Variants in TLL2 observed in about 807,000 individuals in gnomAD.
The protein encoded by TLL2 is tolloid like 2.
A neutral mutation model predicts 123.0 loss-of-function variants in TLL2; 106 were observed. That is an observed-to-expected ratio of 0.86 (90% CI 0.74 to 1.01). TLL2 has a LOEUF of 1.01. Ranked by LOEUF, TLL2 falls within the 50% of genes least tolerant of loss-of-function variation. The pLI is 0.00. For synonymous variants in TLL2, 494 were observed against 516.8 expected (o/e 0.96, Z 0.60); for missense variants, 1,332 against 1,336.7 (o/e 1.00, Z 0.06).
chr10:96,482,821 A>G (rs1442336199), intron 1 of TLL2, among the ~76,000 whole-genome samples: 1 of 152,238 alleles, frequency 6.6e-6, no homozygotes, highest in Non-Finnish European at 1.5e-5. Context: ...TGTAAATTAT[A>G]CTCAAGATGT....
chr10:96,385,607 C>T (rs183630108), intron 15 of TLL2, among the ~76,000 whole-genome samples: 15 of 152,326 alleles, frequency 9.8e-5, no homozygotes, highest in Admixed American at 8.5e-4. Context: ...GCATGCCTGA[C>T]TAGCACTCCA....
At chr10:96,481,829 A>G (rs1199809839) in intron 1 of TLL2, among the ~76,000 whole-genome samples, 15 of 152,250 alleles carry the variant, frequency 9.9e-5, no homozygotes, top group Non-Finnish European at 2.1e-4. Context: ...TCAGGGTCTT[A>G]GAAAGTTGGA....
rs774633643 is a variant in TLL2, at chr10:96,513,612, C to G, written c.74G>C (p.Gly25Ala). Residue 25 changes from glycine (G) to alanine (A), a missense_variant, in exon 1 of 21, where the codon GGA becomes GCA. Gly to Ala is a moderately conservative substitution (Grantham distance 60). Coordinates refer to ENST00000357947, the MANE Select transcript of TLL2 (RefSeq NM_012465.4). ...LLLPLPRGAG[G>A]LGERPDATAD... ...GGTGGCGTCCGGGCGCTCCCCGAGT[C>G]CCCCGGCGCCGCGAGGCAGCGGCAG... 6.2e-7 allele frequency: 1 copy of G among 1,602,230 alleles called. No individual in the cohort carries two copies. The highest frequency in any genetic ancestry group is 1.7e-5 in the Admixed American group (1 of 59,854).
intron 1 of TLL2, among the ~76,000 whole-genome samples, chr10:96,481,227 A>G (rs1489319900): frequency 6.6e-6 from 1 of 152,026 alleles, no homozygotes; most frequent in East Asian, 1.9e-4. Context: ...GCTTACTGCA[A>G]CCTTGAAAGC....
intron 3 of TLL2, among the ~76,000 whole-genome samples, chr10:96,436,800 C>G (rs1301536081): frequency 6.6e-6 from 1 of 152,026 alleles, no homozygotes; most frequent in Non-Finnish European, 1.5e-5. Context: ...ATCCTCCCCC[C>G]TCACCCTCCC....
At chr10:96,427,137 G>A (rs1846685673) in intron 5 of TLL2, among the ~76,000 whole-genome samples, 1 of 152,052 alleles carries the variant, frequency 6.6e-6, no homozygotes. Flanking sequence ...AGCATGGGGG[G>A]ACTTTTAACT....
At chr10:96,486,578 CAG>C (rs199638910) in intron 1 of TLL2, among the ~76,000 whole-genome samples, 2,746 of 152,284 alleles carry the variant, frequency 0.018, 66 homozygotes, top group South Asian at 0.1. Context: ...GTTTTGTACA[CAG>C]TGGGATTCCA....
At chr10:96,482,073 C>T (rs577615709) in intron 1 of TLL2, among the ~76,000 whole-genome samples, 34 of 152,106 alleles carry the variant, frequency 2.2e-4, no homozygotes, top group African/African-American at 8.2e-4. Context: ...CTGGCTAACA[C>T]GGTGAAACTC....
chr10:96,386,045 G>A lies in TLL2; in HGVS notation c.2013+10C>T. The A allele has an allele frequency of 6.3e-7, 1 of 1,580,180 alleles. No homozygotes were observed. The highest frequency in any genetic ancestry group is 1.2e-5 in the South Asian group (1 of 84,776). ...TACAGTCCCCAATCAATTAGAGCAT[G>A]GAGACATACGTCATTGCCTTCCAGT... is the stretch of plus-strand genomic sequence containing the variant. On this transcript the variant is annotated intron_variant, in intron 15 of 20. Coordinates refer to ENST00000357947, the MANE Select transcript of TLL2 (RefSeq NM_012465.4).
chr10:96,443,214 A>T (rs1195256916), intron 3 of TLL2, among the ~76,000 whole-genome samples: 1 of 152,226 alleles, frequency 6.6e-6, no homozygotes, highest in Non-Finnish European at 1.5e-5. Flanking sequence ...TCTCTCGTGA[A>T]GGAGTAGAAT....
In TLL2 at chr10:96,413,190, A is replaced by C; in HGVS notation, c.1048+2T>G. 3 of 1,613,922 alleles carry C rather than the reference A, an allele frequency of 1.9e-6. No individual in the cohort carries two copies. The South Asian group carries it at 3.3e-5, about 18-fold the overall frequency. On this transcript the variant is annotated splice_donor_variant, in intron 8 of 20. Transcript: ENST00000357947. LOFTEE classifies it high-confidence loss of function. ...CTGGCAGTCCCCACGGCTCATAGTT[A>C]CCTGGGCATTTGTACAGCTTCCGGG...
At chr10:96,389,040 C>T (rs1292115288) in intron 13 of TLL2, among the ~76,000 whole-genome samples, 1 of 152,160 alleles carries the variant, frequency 6.6e-6, no homozygotes, top group African/African-American at 2.4e-5. Flanking sequence ...TTTTTTATCA[C>T]CTTACCAAAT....
At chr10:96,412,240 C>T (rs1205713991) in intron 8 of TLL2, among the ~76,000 whole-genome samples, 1 of 152,174 alleles carries the variant, frequency 6.6e-6, no homozygotes, top group Non-Finnish European at 1.5e-5. Context: ...CTTTGCATCC[C>T]TCGGGTCCTG....
intron 16 of TLL2, among the ~76,000 whole-genome samples, chr10:96,381,502 A>T (rs1201490323): frequency 6.6e-6 from 1 of 151,878 alleles, no homozygotes; most frequent in Non-Finnish European, 1.5e-5. Flanking sequence ...TGCCTCCCCT[A>T]CTGGGGACCC....
At chr10:96,376,471 G>A (rs1418434511) in intron 18 of TLL2, among the ~76,000 whole-genome samples, 1 of 152,262 alleles carries the variant, frequency 6.6e-6, no homozygotes, top group African/African-American at 2.4e-5. Context: ...GTGCCCAGGT[G>A]TGACCTATAG....
rs754878651 is a variant in TLL2, at chr10:96,395,936, C to T, written c.1469G>A (p.Cys490Tyr). The change falls in exon 12 of 21, where the codon TGT (cysteine) becomes TAT (tyrosine). Residue 490 changes from cysteine (C) to tyrosine (Y), a missense_variant. Physicochemically the swap from Cys to Tyr is radical, Grantham distance 194. Coordinates refer to ENST00000357947, the MANE Select transcript of TLL2 (RefSeq NM_012465.4). ...YPDDYRPSKE[C>Y]VWRITVSEGF... ...CTCTGAAACCGTAATCCTCCAGACA[C>T]ATTCCTTGGAAGGTCTGTAGTCATC... The T allele has an allele frequency of 6.2e-7, 1 of 1,614,236 alleles. No individual in the cohort carries two copies. Among genetic ancestry groups the T allele is most frequent in the South Asian group, 1.1e-5 (1 of 91,084 alleles).
rs1847657715 is a variant in TLL2 at position 96,513,825 on chromosome 10, G to T, written c.-140C>A. Reference sequence around the variant, plus strand: ...GGCTGCTGGGCATGGCTCAGGCGCGGAGCAAGCGGAGCGCGGCGCCCCCTG... The same window carrying T: ...GGCTGCTGGGCATGGCTCAGGCGCGTAGCAAGCGGAGCGCGGCGCCCCCTG... On this transcript the variant is annotated 5_prime_UTR_variant, in exon 1 of 21. Coordinates refer to ENST00000357947, the MANE Select transcript of TLL2 (RefSeq NM_012465.4). 4 of 883,536 alleles carry T rather than the reference G, an allele frequency of 4.5e-6. No individual in the cohort carries two copies. The highest frequency in any genetic ancestry group is 6.2e-6 in the Non-Finnish European group (4 of 641,096). The allele number at this position is 883,536 out of a possible 1,614,324, so 54.7% of individuals were successfully genotyped here.
chr10:96,465,263 G>A (rs1012070389), intron 2 of TLL2, among the ~76,000 whole-genome samples: 2 of 152,216 alleles, frequency 1.3e-5, no homozygotes, highest in Non-Finnish European at 2.9e-5. Context: ...GTGCTTTCCT[G>A]GGGGCTGGCA....
In TLL2 at chr10:96,495,318, C is replaced by T. The variant is rs192262840; in HGVS notation, c.176-14859G>A. 1.1e-4 allele frequency among the ~76,000 whole-genome samples: 17 copies of T among 152,166 alleles called. No homozygotes were observed. The East Asian group carries it at 2.1e-3, about 19-fold the overall frequency. ...CATTTAGTTCATTGCAAGTTTCCAG[C>T]GGAGGGATTTAACAGGTTTAAAGCA... On this transcript the variant is annotated intron_variant, in intron 1 of 20. Coordinates refer to ENST00000357947, the MANE Select transcript of TLL2 (RefSeq NM_012465.4).
Sources: gnomAD v4.1 joint callset for allele counts (sites outside exome capture counted in the v4.1 genomes callset) on GRCh38, gnomAD v4.1.1 for gene constraint, MANE v1.5 for transcripts, NCBI Gene and HGNC (gene_info 2026-07-23, HGNC 2026-07-21) for gene names.